Variants in TMED3 observed in about 807,000 individuals in gnomAD.
TMED3 encodes transmembrane emp24 domain-containing protein 3.
Under a neutral mutation model 15.0 loss-of-function variants are expected in TMED3, and 9 were observed. That is an observed-to-expected ratio of 0.60 (90% CI 0.36 to 1.04). TMED3 has a LOEUF of 1.04. Ranked by LOEUF, TMED3 falls within the 50% of genes least tolerant of loss-of-function variation. The probability of loss-of-function intolerance (pLI) is 0.01; values close to 1 mark genes in which losing one functional copy is unlikely to be tolerated. For synonymous variants in TMED3, 117 were observed against 121.4 expected, an observed-to-expected ratio of 0.96 and a Z score of 0.24; for missense variants, 267 against 278.9, an observed-to-expected ratio of 0.96 and a Z score of 0.30.
rs1689341452 is a variant in TMED3, at chr15:79,322,743, G to T, written c.*529G>T. The T allele has an allele frequency of 2.0e-6, 2 of 985,484 alleles. No homozygotes were observed. Among genetic ancestry groups the T allele is most frequent in the Admixed American group, 1.2e-4 (2 of 16,256 alleles). The allele number at this position is 985,484 out of a possible 1,614,324, so 61.0% of individuals were successfully genotyped here. A position where few individuals can be genotyped will look rare whatever the true frequency, so the allele number is the denominator to read the frequency against. ...GCAACAGTGTCAGCCATGCAAGCAG[G>T]ACAGAATGGTGACTGGGTGCCCTTG... is the stretch of plus-strand genomic sequence containing the variant. On this transcript the variant is annotated 3_prime_UTR_variant, in exon 3 of 3. Transcript: ENST00000299705.
chr15:79,314,690 A>G (rs2058733183), intron 2 of TMED3: 2 of 381,892 alleles, frequency 5.2e-6, no homozygotes, highest in Non-Finnish European at 1.1e-5. Context: ...GCTGGATGAA[A>G]GGAAGGCTGG....
chr15:79,311,280 G>C lies in TMED3; in HGVS notation c.31G>C (p.Val11Leu), dbSNP rs1382417199. MGSTVPRSASVLLLLLLLRRA... is the reference protein window; with the variant it reads MGSTVPRSASLLLLLLLLRRA... ...CAGCACTGTCCCGCGCTCCGCCTCC[G>C]TGCTGCTTCTGCTGCTGCTCCTGCG... is the stretch of plus-strand genomic sequence containing the variant. Residue 11 changes from valine to leucine, a missense_variant, in exon 1 of 3, where the codon GTG becomes CTG. Val to Leu is a conservative substitution (Grantham distance 32). Around this residue, in one of 3 missense-constraint regions of TMED3, gnomAD observed 59 missense variants for 47.0 expected, o/e 1.26. Transcript: ENST00000299705. 4 of 1,605,906 alleles carry C rather than the reference G, an allele frequency of 2.5e-6. No individual in the cohort carries two copies. Among genetic ancestry groups the C allele is most frequent in the Admixed American group, 3.4e-5 (2 of 59,644 alleles).
intron 2 of TMED3, 144 bp downstream of exon 2, chr15:79,314,149 T>C: frequency 3.8e-6 from 4 of 1,047,114 alleles, no homozygotes; most frequent in South Asian, 3.3e-5. Context: ...TCTTTCTTCA[T>C]ACCTAGTCCT....
At chr15:79,321,494 C>T (rs1246714367) in intron 2 of TMED3, among the ~76,000 whole-genome samples, 3 of 152,206 alleles carry the variant, frequency 2.0e-5, no homozygotes, top group African/African-American at 4.8e-5. Flanking sequence ...GCAGCAATTA[C>T]ATAATAGAAT....
intron 2 of TMED3, among the ~76,000 whole-genome samples, chr15:79,367,527 C>T (rs891509494): frequency 3.3e-5 from 5 of 152,224 alleles, no homozygotes; most frequent in African/African-American, 9.6e-5. Context: ...TTTTCTAACA[C>T]TCTCTTGCAG....
chr15:79,387,942 ATCTT>A (rs761778764), intron 2 of TMED3, among the ~76,000 whole-genome samples: 1 of 152,112 alleles, frequency 6.6e-6, no homozygotes, highest in African/African-American at 2.4e-5. Context: ...AATTTTGCTA[ATCTT>A]TCTTAATTAT....
downstream of TMED3, among the ~76,000 whole-genome samples, chr15:79,325,871 C>T (rs1295833331): frequency 2.6e-5 from 4 of 152,166 alleles, no homozygotes; most frequent in African/African-American, 9.7e-5. Context: ...GCCATCTTAT[C>T]CCACCTTCTT....
chr15:79,393,853 G>A (rs865860135), intron 2 of TMED3, among the ~76,000 whole-genome samples: 3 of 152,012 alleles, frequency 2.0e-5, no homozygotes, highest in African/African-American at 7.3e-5. Context: ...ATGCCACCTT[G>A]CCCAACTAAT....
downstream of TMED3, among the ~76,000 whole-genome samples, chr15:79,324,951 T>G (rs1289817199): frequency 6.6e-6 from 1 of 152,178 alleles, no homozygotes; most frequent in Non-Finnish European, 1.5e-5. Context: ...GGGAGTATTT[T>G]TACTGGCCAG....
rs141050756 is a variant in TMED3 at position 79,403,334 on chromosome 15, C to T, written c.418-8066C>T. On this transcript the variant is annotated intron_variant, in intron 2 of 2. Transcript: ENST00000424155. ...GGCCTGAGGCAAAAATTGATGTTCTCTTTTATCTCCCCTTCCAGAATTCCC... is the reference window on the plus strand; with the variant it reads ...GGCCTGAGGCAAAAATTGATGTTCTTTTTTATCTCCCCTTCCAGAATTCCC... Among the ~76,000 whole-genome samples the T allele has an allele frequency of 3.8e-4, 57 of 149,618 alleles. 1 individual carries two copies. The highest frequency in any genetic ancestry group is 6.9e-3 in the Middle Eastern group (2 of 288).
intron 2 of TMED3, among the ~76,000 whole-genome samples, chr15:79,333,496 C>A (rs1349218884): frequency 6.6e-6 from 1 of 152,222 alleles, no homozygotes; most frequent in African/African-American, 2.4e-5. Context: ...TCTGGAGATG[C>A]TAACATAGTT....
At chr15:79,394,839 C>T (rs940545980) in intron 2 of TMED3, among the ~76,000 whole-genome samples, 2 of 152,016 alleles carry the variant, frequency 1.3e-5, no homozygotes, top group Non-Finnish European at 2.9e-5. Context: ...AAATTGAGAC[C>T]CCCTGTGTAA....
chr15:79,322,158 C>G lies in TMED3; in HGVS notation c.598C>G (p.Leu200Val). The change falls in exon 3 of 3, where the codon CTG becomes GTG. Residue 200 changes from leucine to valine, a missense_variant. Around this residue, in one of 3 missense-constraint regions of TMED3, gnomAD observed 139 missense variants for 125.0 expected, o/e 1.11. Coordinates refer to ENST00000299705, the MANE Select transcript of TMED3 (RefSeq NM_007364.4). ...CGTGGTCAGCTTCAGTCAGGTGCTACTGTTGAAAAGCTTCTTCACAGAAAA... is the reference window on the plus strand; with the variant it reads ...CGTGGTCAGCTTCAGTCAGGTGCTAGTGTTGAAAAGCTTCTTCACAGAAAA... ...LFVVSFSQVL[L>V]LKSFFTEKRP... is the part of the protein sequence containing the mutation. 6.2e-7 allele frequency: 1 copy of G among 1,614,200 alleles called. No homozygotes were observed. Among genetic ancestry groups the G allele is most frequent in the Non-Finnish European group, 8.5e-7 (1 of 1,180,034 alleles).
chr15:79,406,905 T>C (rs1767184687), intron 2 of TMED3, among the ~76,000 whole-genome samples: 1 of 152,234 alleles, frequency 6.6e-6, no homozygotes, highest in South Asian at 2.1e-4. Flanking sequence ...ATCAATTTAC[T>C]AGAGAGCCTA....
chr15:79,324,464 G>A (rs1477148631), downstream of TMED3, among the ~76,000 whole-genome samples: 2 of 152,096 alleles, frequency 1.3e-5, no homozygotes, highest in East Asian at 1.9e-4. Flanking sequence ...AAGAAGGAAG[G>A]GGAAAGATGG....
At chr15:79,358,287 C>T (rs2141238924) in intron 2 of TMED3, among the ~76,000 whole-genome samples, 1 of 152,342 alleles carries the variant, frequency 6.6e-6, no homozygotes, top group South Asian at 2.1e-4. Flanking sequence ...AAGGTCAGGA[C>T]TTGAGGCCAG....
intron 2 of TMED3, among the ~76,000 whole-genome samples, chr15:79,350,653 T>A (rs902981253): frequency 6.6e-6 from 1 of 152,106 alleles, no homozygotes; most frequent in Non-Finnish European, 1.5e-5. Flanking sequence ...CTGTCCCAGT[T>A]CACAGACTCA....
chr15:79,411,323 A>G, intron 2 of TMED3: 5 of 680,632 alleles, frequency 7.3e-6, no homozygotes, highest in Non-Finnish European at 1.3e-5. Context: ...GAGAATGCAA[A>G]TGGAGGGCTT....
chr15:79,350,580 C>T (rs2058887985), intron 2 of TMED3, among the ~76,000 whole-genome samples: 1 of 152,150 alleles, frequency 6.6e-6, no homozygotes, highest in Non-Finnish European at 1.5e-5. Flanking sequence ...CTTCTGTCTG[C>T]TTTATTCTAG....
Sources: gnomAD v4.1 joint callset for allele counts (sites outside exome capture counted in the v4.1 genomes callset) on GRCh38, gnomAD v4.1.1 for gene constraint, gnomAD v4.1.1 regional missense constraint, MANE v1.5 for transcripts, NCBI Gene and HGNC (gene_info 2026-07-23, HGNC 2026-07-21) for gene names.